EBF1: variants seen among roughly 807,000 people sequenced by gnomAD.
EBF1 encodes transcription factor COE1.
A neutral mutation model predicts 68.4 loss-of-function variants in EBF1; 10 were observed. The ratio of observed to expected loss-of-function variants is 0.15; its 90% CI spans 0.09 to 0.25. The LOEUF is 0.25. EBF1 is among the 10% of genes least tolerant of loss of function. The pLI is 1.00. For synonymous variants in EBF1, 298 were observed against 299.8 expected, an observed-to-expected ratio of 0.99 and a Z score of 0.06; for missense variants, 509 against 794.4, an observed-to-expected ratio of 0.64 and a Z score of 4.32.
chr5:158,958,679 T>C (rs1817603671), intron 6 of EBF1, among the ~76,000 whole-genome samples: 1 of 152,126 alleles, frequency 6.6e-6, no homozygotes, highest in African/African-American at 2.4e-5. Context: ...TATTATTGCT[T>C]TGCGAAGTCA....
At chr5:158,815,812 C>T (rs1449702719) in intron 8 of EBF1, among the ~76,000 whole-genome samples, 1 of 152,196 alleles carries the variant, frequency 6.6e-6, no homozygotes, top group Non-Finnish European at 1.5e-5. Flanking sequence ...TCACTCACAT[C>T]GTTGTGCATT....
chr5:159,096,414 G>T lies in EBF1; in HGVS notation c.292-8C>A. 1 of 1,612,604 alleles carries T rather than the reference G, an allele frequency of 6.2e-7. No homozygotes were observed. Among genetic ancestry groups the T allele is most frequent in the African/African-American group, 1.3e-5 (1 of 75,018 alleles). On this transcript the variant is annotated splice_region_variant and splice_polypyrimidine_tract_variant and intron_variant, in intron 2 of 15. Transcript: ENST00000313708. Reference sequence around the variant, plus strand: ...CTTTTCGCTGTTGGCTTCCTGGGTTGCATCAGGACGCAAAGACACAAGAGA... The same window carrying T: ...CTTTTCGCTGTTGGCTTCCTGGGTTTCATCAGGACGCAAAGACACAAGAGA...
intron 6 of EBF1, among the ~76,000 whole-genome samples, chr5:159,055,487 A>G (rs923101341): frequency 6.6e-6 from 1 of 152,212 alleles, no homozygotes; most frequent in African/African-American, 2.4e-5. Flanking sequence ...TTCATAATGA[A>G]TGAGAAGTCC....
At chr5:158,812,428 G>A (rs1227249448) in intron 8 of EBF1, among the ~76,000 whole-genome samples, 2 of 152,216 alleles carry the variant, frequency 1.3e-5, no homozygotes, top group East Asian at 3.9e-4. Flanking sequence ...CTATTCTCTT[G>A]GGGGTTAAAA....
chr5:159,043,031 AT>A (rs1209127711), intron 6 of EBF1, among the ~76,000 whole-genome samples: 1 of 152,230 alleles, frequency 6.6e-6, no homozygotes, highest in Non-Finnish European at 1.5e-5. Context: ...AGTAGCTGAT[AT>A]TTATGAAGCA....
intron 10 of EBF1, among the ~76,000 whole-genome samples, chr5:158,775,236 T>C (rs967909603): frequency 6.6e-6 from 1 of 152,038 alleles, no homozygotes; most frequent in African/African-American, 2.4e-5. Flanking sequence ...TTAAAAAAAC[T>C]CCAAATAATG....
At chr5:158,831,142 G>A (rs1351470053) in intron 7 of EBF1, among the ~76,000 whole-genome samples, 1 of 152,278 alleles carries the variant, frequency 6.6e-6, no homozygotes, top group East Asian at 1.9e-4. Context: ...GTGTTTAGCT[G>A]GTGCTCTCTG....
At chr5:158,865,354 G>T (rs1795694932) in intron 6 of EBF1, among the ~76,000 whole-genome samples, 1 of 152,154 alleles carries the variant, frequency 6.6e-6, no homozygotes, top group Non-Finnish European at 1.5e-5. Context: ...TATCAGTTGT[G>T]TGATCATAAC....
chr5:158,977,737 G>A (rs1757066810), intron 6 of EBF1, among the ~76,000 whole-genome samples: 1 of 152,214 alleles, frequency 6.6e-6, no homozygotes, highest in Admixed American at 6.5e-5. Flanking sequence ...TATACTCTGT[G>A]ACTTAGTAAG....
At chr5:158,808,815 C>T (rs185233305) in intron 8 of EBF1, among the ~76,000 whole-genome samples, 5 of 152,254 alleles carry the variant, frequency 3.3e-5, no homozygotes, top group African/African-American at 1.2e-4. Context: ...CCCAAATCCA[C>T]TGTCTCCAAA....
At chr5:158,986,740 T>C (rs1300453127) in intron 6 of EBF1, 1 of 152,232 alleles carries the variant, frequency 6.6e-6, no homozygotes, top group Non-Finnish European at 1.5e-5. Flanking sequence ...GAATTTAATC[T>C]CTATCATTTC....
chr5:158,775,302 T>C (rs1290047753), intron 10 of EBF1, among the ~76,000 whole-genome samples: 1 of 152,066 alleles, frequency 6.6e-6, no homozygotes, highest in Non-Finnish European at 1.5e-5. Context: ...AGGGTGATTT[T>C]TTTTTCTAAC....
chr5:159,090,734 G>T (rs1781481179), intron 4 of EBF1, among the ~76,000 whole-genome samples: 1 of 151,790 alleles, frequency 6.6e-6, no homozygotes, highest in African/African-American at 2.4e-5. Flanking sequence ...ACAAATAAAA[G>T]ATATTTCACT....
At chr5:158,884,978 A>T (rs1367765947) in intron 6 of EBF1, among the ~76,000 whole-genome samples, 1 of 152,126 alleles carries the variant, frequency 6.6e-6, no homozygotes, top group East Asian at 1.9e-4. Context: ...CTTCTGTGCT[A>T]TTTGTCTCAC....
intron 6 of EBF1, among the ~76,000 whole-genome samples, chr5:159,046,628 A>T (rs1772454224): frequency 6.6e-6 from 1 of 152,146 alleles, no homozygotes; most frequent in African/African-American, 2.4e-5. Context: ...GTGCTTATTG[A>T]GTTGTACACT....
At chr5:158,806,306 T>C (rs1160647958) in intron 8 of EBF1, among the ~76,000 whole-genome samples, 3 of 152,024 alleles carry the variant, frequency 2.0e-5, no homozygotes, top group African/African-American at 7.2e-5. Flanking sequence ...GAGAGAGGGA[T>C]CTTTTAGAAT....
chr5:158,816,393 G>A (rs958732079), intron 8 of EBF1, among the ~76,000 whole-genome samples: 2 of 152,226 alleles, frequency 1.3e-5, no homozygotes, highest in African/African-American at 2.4e-5. Flanking sequence ...ACATGGACAA[G>A]TACAAAGAGT....
At chr5:158,802,902 C>A (rs1219410946) in intron 8 of EBF1, among the ~76,000 whole-genome samples, 1 of 152,072 alleles carries the variant, frequency 6.6e-6, no homozygotes, top group Non-Finnish European at 1.5e-5. Flanking sequence ...TACGAGAATA[C>A]CCTATACTCT....
At chr5:158,923,523 G>A (rs1463720901) in intron 6 of EBF1, among the ~76,000 whole-genome samples, 2 of 152,178 alleles carry the variant, frequency 1.3e-5, no homozygotes, top group Non-Finnish European at 2.9e-5. Context: ...AGGAAATTTA[G>A]TTTTGTTGAA....
Sources: allele counts gnomAD v4.1 joint callset (sites outside exome capture counted in the v4.1 genomes callset), GRCh38; gene constraint gnomAD v4.1.1; transcripts MANE v1.5; gene names NCBI Gene and HGNC (gene_info 2026-07-23, HGNC 2026-07-21).